The following TMEFF2 variants were observed in gnomAD, a reference collection of about 807,000 sequenced individuals.
TMEFF2 encodes the protein transmembrane protein with EGF like and two follistatin like domains 2.
A neutral mutation model predicts 53.8 loss-of-function variants in TMEFF2; 28 were observed. That is an observed-to-expected ratio of 0.52 (90% confidence interval 0.39 to 0.71). The LOEUF (loss-of-function observed/expected upper bound fraction) is 0.71, where lower values mean the gene tolerates loss of function less well. Among genes scored for constraint, TMEFF2 ranks in the 30% least tolerant of loss-of-function variants. TMEFF2 has a pLI of 0.00. For missense variants in TMEFF2, 353 were observed against 455.2 expected (o/e 0.78, Z 2.04); for synonymous variants, 162 against 166.3 (o/e 0.97, Z 0.20).
chr2:192,011,912 C>T (rs193176916), intron 5 of TMEFF2, among the ~76,000 whole-genome samples: 215 of 151,842 alleles, frequency 1.4e-3, no homozygotes, highest in Non-Finnish European at 9.7e-4. Flanking sequence ...TTTGAGACAG[C>T]GTCTCGCTCT....
intron 7 of TMEFF2, among the ~76,000 whole-genome samples, chr2:191,987,574 T>C (rs1384489225): frequency 6.6e-6 from 1 of 152,080 alleles, no homozygotes; most frequent in African/African-American, 2.4e-5. Context: ...ACCCAGCTAA[T>C]TTTCGTGCTT....
intron 4 of TMEFF2, among the ~76,000 whole-genome samples, chr2:192,069,452 A>C (rs1443831034): frequency 6.6e-6 from 1 of 151,824 alleles, no homozygotes; most frequent in Non-Finnish European, 1.5e-5. Flanking sequence ...TAAGGACAGG[A>C]AGGTCAGATT....
chr2:192,005,740 C>T (rs1225284385), intron 5 of TMEFF2, among the ~76,000 whole-genome samples: 1 of 152,056 alleles, frequency 6.6e-6, no homozygotes, highest in Non-Finnish European at 1.5e-5. Context: ...GTCTGTGATC[C>T]CTGTCAGATC....
At chr2:192,115,664 A>T (rs549185895) in intron 4 of TMEFF2, among the ~76,000 whole-genome samples, 1 of 151,874 alleles carries the variant, frequency 6.6e-6, no homozygotes, top group Admixed American at 6.6e-5. Flanking sequence ...CCCCCAAAAA[A>T]CTCAATCAAA....
intron 4 of TMEFF2, among the ~76,000 whole-genome samples, chr2:192,130,236 T>C (rs1475700741): frequency 2.6e-5 from 4 of 152,172 alleles, no homozygotes; most frequent in Non-Finnish European, 5.9e-5. Flanking sequence ...ACTCAGATTT[T>C]TTTCCTAAAT....
intron 3 of TMEFF2, among the ~76,000 whole-genome samples, chr2:192,183,583 G>T (rs934077024): frequency 1.3e-5 from 2 of 151,988 alleles, no homozygotes; most frequent in African/African-American, 4.8e-5. Flanking sequence ...CAACTATTAT[G>T]GCACCTTACA....
At chr2:191,957,601 A>G (rs1692146192) in intron 7 of TMEFF2, among the ~76,000 whole-genome samples, 1 of 152,238 alleles carries the variant, frequency 6.6e-6, no homozygotes, top group Admixed American at 6.5e-5. Context: ...AAATATCTAT[A>G]CATCTTTAAG....
intron 4 of TMEFF2, among the ~76,000 whole-genome samples, chr2:192,163,997 C>T (rs948698951): frequency 6.6e-6 from 1 of 152,166 alleles, no homozygotes; most frequent in Non-Finnish European, 1.5e-5. Context: ...TTATTCAGGT[C>T]AGGATCCTCT....
intron 4 of TMEFF2, among the ~76,000 whole-genome samples, chr2:192,105,946 A>G (rs1464618092): frequency 6.6e-6 from 1 of 151,898 alleles, no homozygotes; most frequent in African/African-American, 2.4e-5. Flanking sequence ...AGAAATTGGC[A>G]ATAAAAAATG....
At chr2:192,165,085 G>A (rs1186541684) in intron 4 of TMEFF2, among the ~76,000 whole-genome samples, 1 of 151,476 alleles carries the variant, frequency 6.6e-6, no homozygotes, top group African/African-American at 2.4e-5. Context: ...TAGCACAGAT[G>A]TTTCTATGAC....
At chr2:192,057,892 G>C (rs974615491) in intron 4 of TMEFF2, 117 bp from the exon 5 acceptor site, 3 of 767,176 alleles carry the variant, frequency 3.9e-6, no homozygotes, top group Non-Finnish European at 6.7e-6. Context: ...TGCTATTGAA[G>C]CTTCATAAGA....
At chr2:192,034,420 G>A (rs1256570404) in intron 5 of TMEFF2, among the ~76,000 whole-genome samples, 1 of 151,844 alleles carries the variant, frequency 6.6e-6, no homozygotes, top group Non-Finnish European at 1.5e-5. Context: ...ACTCCTCCAT[G>A]GGGAAAAAAA....
At chr2:192,053,684 G>A (rs1687828197) in intron 5 of TMEFF2, among the ~76,000 whole-genome samples, 1 of 152,180 alleles carries the variant, frequency 6.6e-6, no homozygotes, top group Admixed American at 6.5e-5. Flanking sequence ...GAGAGAACCT[G>A]GCCGTGGTGT....
At chr2:192,132,925 C>T (rs2105979815) in intron 4 of TMEFF2, among the ~76,000 whole-genome samples, 1 of 152,280 alleles carries the variant, frequency 6.6e-6, no homozygotes, top group East Asian at 1.9e-4. Flanking sequence ...CCCCGTAGAC[C>T]ATCACAAACG....
At position 192,117,762 on chromosome 2, in the gene TMEFF2, T is replaced by C. The variant is rs1027791189; in HGVS notation, c.440-59987A>G. On this transcript the variant is annotated intron_variant, in intron 4 of 9. Coordinates refer to ENST00000272771, the MANE Select transcript of TMEFF2 (RefSeq NM_016192.4). ...GTCCCAGGCCAAGTCTTCATTTGCA[T>C]AGAAGTATAACTTTGTAACATCACT... Among the ~76,000 whole-genome samples the C allele has an allele frequency of 7.2e-5, 11 of 152,148 alleles. No homozygotes were observed. The East Asian group carries it at 1.4e-3, about 19-fold the overall frequency.
chr2:192,158,202 T>C (rs7583718), intron 4 of TMEFF2, among the ~76,000 whole-genome samples: 3,315 of 152,168 alleles, frequency 0.022, 81 homozygotes, highest in African/African-American at 0.06. Flanking sequence ...TAAGAAAGAC[T>C]GAAACACAGA....
intron 7 of TMEFF2, among the ~76,000 whole-genome samples, chr2:191,960,447 TTC>T (rs1692239516): frequency 6.6e-6 from 1 of 152,146 alleles, no homozygotes; most frequent in Admixed American, 6.5e-5. Context: ...AGTTCTGAAT[TTC>T]TGTTTATTTT....
intron 7 of TMEFF2, among the ~76,000 whole-genome samples, chr2:191,965,360 A>G (rs1447351400): frequency 6.6e-6 from 1 of 152,156 alleles, no homozygotes; most frequent in Non-Finnish European, 1.5e-5. Flanking sequence ...CTTCTTAAGT[A>G]TCTCCCAAAT....
intron 4 of TMEFF2, among the ~76,000 whole-genome samples, chr2:192,098,745 A>G (rs1688970619): frequency 6.6e-6 from 1 of 152,212 alleles, no homozygotes. Flanking sequence ...CAGGAAGGAC[A>G]GCAGGATGGC....
Sources: allele counts gnomAD v4.1 joint callset (sites outside exome capture counted in the v4.1 genomes callset), GRCh38; gene constraint gnomAD v4.1.1; transcripts MANE v1.5; gene names NCBI Gene and HGNC (gene_info 2026-07-23, HGNC 2026-07-21).